The following ABCC9 variants were observed in gnomAD, a reference collection of about 807,000 sequenced individuals.
ABCC9 encodes ATP-binding cassette sub-family C member 9.
ABCC9 carries 95 observed loss-of-function variants against 188.3 expected under a neutral mutation model. The observed-to-expected ratio is 0.50, with a 90% CI of 0.43 to 0.60. ABCC9 has a LOEUF of 0.60. Among genes scored for constraint, ABCC9 ranks in the 20% least tolerant of loss-of-function variants. The probability of loss-of-function intolerance (pLI) is 0.00; values close to 1 mark genes in which losing one functional copy is unlikely to be tolerated. For missense variants in ABCC9, 1,102 were observed against 1,876.3 expected (o/e 0.59, Z 7.62); for synonymous variants, 659 against 652.7 (o/e 1.01, Z -0.15).
intron 17 of ABCC9, among the ~76,000 whole-genome samples, chr12:21,873,595 C>G (rs549159654): frequency 5.3e-5 from 8 of 152,128 alleles, no homozygotes; most frequent in South Asian, 2.1e-4. Context: ...AGAGTAGACC[C>G]CAAATACCCA....
Position 21,801,103 on chromosome 12 carries a change from C to T in ABCC9, c.4591G>A (p.Glu1531Lys). ...RGNILEYDTP[E>K]SLLAQENGVF... ...CCATTTTCCTGAGCCAAGAGGCTTT[C>T]TGGAGTGTCATATTCTAAAATATTT... is the stretch of plus-strand genomic sequence containing the variant. Residue 1531 changes from glutamate to lysine, a missense_variant, in exon 40 of 40, where the codon GAA becomes AAA. Physicochemically the swap from Glu to Lys is moderately conservative, Grantham distance 56. Coordinates refer to ENST00000261200, the MANE Select transcript of ABCC9 (RefSeq NM_020297.4). 1 of 1,614,024 alleles carries T rather than the reference C, an allele frequency of 6.2e-7. No homozygotes were observed. Among genetic ancestry groups the T allele is most frequent in the Non-Finnish European group, 8.5e-7 (1 of 1,179,946 alleles).
intron 4 of ABCC9, among the ~76,000 whole-genome samples, chr12:21,927,415 G>A (rs1233696616): frequency 1.3e-5 from 2 of 152,122 alleles, no homozygotes; most frequent in African/African-American, 4.8e-5. Context: ...GGAAACTATG[G>A]GTATAAAGTC....
chr12:21,894,272 T>A (rs1371298764), intron 13 of ABCC9, 98 bp from the exon 14 acceptor site: 1 of 1,339,124 alleles, frequency 7.5e-7, no homozygotes, highest in African/African-American at 1.4e-5. Flanking sequence ...TATGCCAGTA[T>A]GTCCATTGTA....
intron 3 of ABCC9, 75 bp from the exon 4 acceptor site, chr12:21,933,998 A>G: frequency 6.4e-7 from 1 of 1,561,648 alleles, no homozygotes; most frequent in Non-Finnish European, 8.8e-7. Flanking sequence ...AATTTAAATT[A>G]TGATAAGCTT....
chr12:21,851,165 G>C (rs754007984), intron 24 of ABCC9, among the ~76,000 whole-genome samples: 16 of 151,896 alleles, frequency 1.1e-4, no homozygotes, highest in Non-Finnish European at 2.2e-4. Context: ...GCTCATTCCT[G>C]GATAAGAATA....
intron 12 of ABCC9, among the ~76,000 whole-genome samples, chr12:21,901,233 A>C (rs533471887): frequency 3.7e-4 from 57 of 152,256 alleles, no homozygotes; most frequent in African/African-American, 1.4e-3. Context: ...GAAATAAAAT[A>C]CTTTACAGAT....
At chr12:21,862,815 T>C (rs1352481423) in intron 20 of ABCC9, 138 bp downstream of exon 20, 12 of 655,036 alleles carry the variant, frequency 1.8e-5, no homozygotes, top group Non-Finnish European at 3.3e-5. Context: ...CAAAAGACCT[T>C]GGTGATGAGG....
Position 21,819,164 on chromosome 12 carries a change from C to G in ABCC9, c.3670-913G>C, listed in dbSNP as rs576801916. The stretch of plus-strand genomic sequence containing the variant: ...AGCGTTCTTAGGTATTGTTCTGTCT[C>G]ATCATTCAAAAAAGAAATTCTAAAA... On this transcript the variant is annotated intron_variant, in intron 31 of 39. Coordinates refer to ENST00000261200, the MANE Select transcript of ABCC9 (RefSeq NM_020297.4). 1.2e-3 allele frequency among the ~76,000 whole-genome samples: 185 copies of G among 152,240 alleles called. 1 individual carries two copies. Among genetic ancestry groups the G allele is most frequent in the Non-Finnish European group, 2.3e-3 (155 of 68,010 alleles).
At chr12:21,881,449 A>G (rs921166449) in intron 16 of ABCC9, among the ~76,000 whole-genome samples, 2 of 152,178 alleles carry the variant, frequency 1.3e-5, no homozygotes, top group African/African-American at 4.8e-5. Flanking sequence ...TGGAAAAAAA[A>G]TTCATAATAG....
chr12:21,901,707 A>C (rs1196005717), intron 12 of ABCC9, among the ~76,000 whole-genome samples: 1 of 152,198 alleles, frequency 6.6e-6, no homozygotes, highest in African/African-American at 2.4e-5. Context: ...GAGACAAAGA[A>C]GGCCATTATA....
At chr12:21,874,543 A>G (rs1221126106) in intron 17 of ABCC9, among the ~76,000 whole-genome samples, 1 of 152,224 alleles carries the variant, frequency 6.6e-6, no homozygotes, top group African/African-American at 2.4e-5. Flanking sequence ...AGGGTCTCAA[A>G]GAGATATCTG....
intron 22 of ABCC9, among the ~76,000 whole-genome samples, chr12:21,855,935 C>G (rs1034802677): frequency 6.6e-6 from 1 of 152,166 alleles, no homozygotes; most frequent in Non-Finnish European, 1.5e-5. Flanking sequence ...CCCTGCTTCA[C>G]TGTTACTATC....
rs536126772 is a variant in ABCC9, at chr12:21,902,180, C to G, written c.1618+3946G>C. Reference sequence around the variant, plus strand: ...GCTCAACTACATGGAAACTGAACAACCTGCTCCTGAATGACCACTGGGTAC... The same window carrying G: ...GCTCAACTACATGGAAACTGAACAAGCTGCTCCTGAATGACCACTGGGTAC... On this transcript the variant is annotated intron_variant, in intron 12 of 39. Transcript: ENST00000261200. Among the ~76,000 whole-genome samples the G allele has an allele frequency of 1.3e-4, 20 of 152,294 alleles. No individual in the cohort carries two copies. The East Asian group carries it at 3.7e-3, about 28-fold the overall frequency.
chr12:21,936,617 G>A lies in ABCC9; in HGVS notation c.58C>T (p.Leu20=), dbSNP rs375713309. Residue 20 remains leucine (L), a synonymous_variant, in exon 3 of 40, where the codon CTA becomes TTA. Coordinates refer to ENST00000261200, the MANE Select transcript of ABCC9 (RefSeq NM_020297.4). ...ISSYNINDGV[L]QNSCFVDALN... ...GCATCCACAAAGCAGGAATTTTGTA[G>A]TACACCATCGTTGATATTATATGAA... is the stretch of plus-strand genomic sequence containing the variant. The A allele has an allele frequency of 1.7e-5, 27 of 1,611,452 alleles. No homozygotes were observed. The highest frequency in any genetic ancestry group is 3.3e-4 in the Middle Eastern group (2 of 6,050).
chr12:21,828,096 C>T (rs1029574787), intron 31 of ABCC9, among the ~76,000 whole-genome samples: 1 of 152,166 alleles, frequency 6.6e-6, no homozygotes, highest in Non-Finnish European at 1.5e-5. Flanking sequence ...GATAAACATG[C>T]TTTTTCTTTT....
chr12:21,886,901 G>C (rs1227443927), intron 15 of ABCC9, among the ~76,000 whole-genome samples: 1 of 152,030 alleles, frequency 6.6e-6, no homozygotes, highest in East Asian at 1.9e-4. Context: ...TCAGGTCTTA[G>C]CTCAAATGCT....
intron 17 of ABCC9, 113 bp from the exon 18 acceptor site, chr12:21,872,843 C>G (rs968797157): frequency 1.6e-5 from 14 of 851,396 alleles, no homozygotes; most frequent in Non-Finnish European, 2.6e-5. Flanking sequence ...CAGTTTTGAT[C>G]TCCAGCAGTA....
At chr12:21,900,127 C>G (rs1592183051) in intron 12 of ABCC9, among the ~76,000 whole-genome samples, 1 of 152,202 alleles carries the variant, frequency 6.6e-6, no homozygotes, top group Non-Finnish European at 1.5e-5. Context: ...GAGGACCGAT[C>G]AGGCAGCAAC....
Position 21,800,780 on chromosome 12 carries a change from C to A in ABCC9, c.*264G>T, listed in dbSNP as rs931114483. 2.2e-6 allele frequency: 1 copy of A among 447,280 alleles called. No individual in the cohort carries two copies. The highest frequency in any genetic ancestry group is 4.1e-6 in the Non-Finnish European group (1 of 245,450). 27.7% of individuals were successfully genotyped at this position (447,280 alleles called of 1,614,324 possible). A position where few individuals can be genotyped will look rare whatever the true frequency, so the allele number is the denominator to read the frequency against. ...GAAAACTTTAGCTATTGATTTATCA[C>A]TTAAAGTAGCTTACATGTTTTAATA... On this transcript the variant is annotated 3_prime_UTR_variant, in exon 40 of 40. Transcript: ENST00000261200.
Sources: allele counts gnomAD v4.1 joint callset (sites outside exome capture counted in the v4.1 genomes callset), GRCh38; gene constraint gnomAD v4.1.1; transcripts MANE v1.5; gene names NCBI Gene and HGNC (gene_info 2026-07-23, HGNC 2026-07-21).